ZNF407: variants seen among roughly 807,000 people sequenced by gnomAD.
The protein encoded by ZNF407 is zinc finger protein 407.
In ZNF407, 17 loss-of-function variants were observed where a neutral mutation model predicts 131.2. The ratio of observed to expected loss-of-function variants is 0.13; its 90% CI spans 0.09 to 0.19. The LOEUF is 0.19. Among genes scored for constraint, ZNF407 ranks in the 10% least tolerant of loss-of-function variants. ZNF407 has a pLI of 1.00. For missense variants in ZNF407, 2,681 were observed against 2,830.6 expected (o/e 0.95, Z 1.20); for synonymous variants, 1,156 against 1,062.0 (o/e 1.09, Z -1.72).
intron 1 of ZNF407, among the ~76,000 whole-genome samples, chr18:74,600,495 G>C (rs759737092): frequency 4.6e-5 from 7 of 152,300 alleles, no homozygotes; most frequent in East Asian, 3.9e-4. Context: ...GAGATGGAGA[G>C]AGATGGTCTT....
chr18:74,739,135 T>A (rs1419110984), intron 3 of ZNF407, among the ~76,000 whole-genome samples: 1 of 151,806 alleles, frequency 6.6e-6, no homozygotes, highest in East Asian at 1.9e-4. Context: ...TCCCTAAAGA[T>A]GTGGTATACA....
At chr18:74,664,798 G>A (rs1368990928) in intron 3 of ZNF407, among the ~76,000 whole-genome samples, 5 of 151,876 alleles carry the variant, frequency 3.3e-5, no homozygotes, top group South Asian at 2.1e-4. Context: ...TTGGCGCTGC[G>A]TATCTGTGTG....
At chr18:74,897,145 A>C (rs1971463741) in intron 7 of ZNF407, among the ~76,000 whole-genome samples, 1 of 152,212 alleles carries the variant, frequency 6.6e-6, no homozygotes, top group African/African-American at 2.4e-5. Context: ...AAGCATTTAC[A>C]CTAGGTCTTT....
chr18:74,721,150 A>G (rs1968027005), intron 3 of ZNF407, among the ~76,000 whole-genome samples: 1 of 151,948 alleles, frequency 6.6e-6, no homozygotes, highest in Non-Finnish European at 1.5e-5. Flanking sequence ...ATTTGTTTGT[A>G]TCCTCTTCCC....
At chr18:74,773,777 A>G (rs1177977899) in intron 3 of ZNF407, among the ~76,000 whole-genome samples, 1 of 152,166 alleles carries the variant, frequency 6.6e-6, no homozygotes, top group African/African-American at 2.4e-5. Context: ...CTCTGTGTAT[A>G]TTTCCTTCTG....
intron 1 of ZNF407, among the ~76,000 whole-genome samples, chr18:74,602,296 G>A (rs776792720): frequency 6.6e-6 from 1 of 152,218 alleles, no homozygotes; most frequent in Non-Finnish European, 1.5e-5. Flanking sequence ...TTTTGCGGGA[G>A]AAGGTAGAGA....
intron 3 of ZNF407, among the ~76,000 whole-genome samples, chr18:74,736,399 G>T (rs894149500): frequency 2.0e-5 from 3 of 151,978 alleles, no homozygotes; most frequent in African/African-American, 7.2e-5. Flanking sequence ...GTTTTTTAGT[G>T]GTTGTTTAAA....
At chr18:74,875,261 G>A (rs1190101891) in intron 4 of ZNF407, among the ~76,000 whole-genome samples, 1 of 152,132 alleles carries the variant, frequency 6.6e-6, no homozygotes, top group Admixed American at 6.5e-5. Flanking sequence ...GAGGTTTTCT[G>A]AAAGTCAAGT....
chr18:74,903,128 A>T (rs1971551811), intron 7 of ZNF407, among the ~76,000 whole-genome samples: 1 of 152,160 alleles, frequency 6.6e-6, no homozygotes. Context: ...TGAATGCCAA[A>T]AGTTGTTGTT....
At chr18:74,818,401 C>G (rs1391317527) in intron 4 of ZNF407, among the ~76,000 whole-genome samples, 1 of 152,170 alleles carries the variant, frequency 6.6e-6, no homozygotes, top group Admixed American at 6.5e-5. Flanking sequence ...TTTGTAATTT[C>G]TGTATTCTTC....
At chr18:74,870,647 T>C (rs1971073599) in intron 4 of ZNF407, among the ~76,000 whole-genome samples, 1 of 152,144 alleles carries the variant, frequency 6.6e-6, no homozygotes, top group Non-Finnish European at 1.5e-5. Flanking sequence ...ACTTCATTCA[T>C]TGAGCAAGGT....
intron 3 of ZNF407, among the ~76,000 whole-genome samples, chr18:74,665,399 G>A (rs904928331): frequency 1.3e-5 from 2 of 152,164 alleles, no homozygotes; most frequent in African/African-American, 4.8e-5. Context: ...TGTGTCCTTG[G>A]CTGAGAGCAT....
intron 4 of ZNF407, among the ~76,000 whole-genome samples, chr18:74,836,139 TAAAG>T (rs1189100396): frequency 6.6e-6 from 1 of 152,078 alleles, no homozygotes. Context: ...GTTAAAAACT[TAAAG>T]AAAATATTTA....
intron 3 of ZNF407, among the ~76,000 whole-genome samples, chr18:74,646,478 A>G (rs1490149340): frequency 6.6e-6 from 1 of 152,188 alleles, no homozygotes; most frequent in African/African-American, 2.4e-5. Context: ...TATTTTATCC[A>G]TATAATATTT....
At chr18:74,654,450 C>A (rs1211234634) in intron 3 of ZNF407, among the ~76,000 whole-genome samples, 1 of 151,750 alleles carries the variant, frequency 6.6e-6, no homozygotes, top group African/African-American at 2.4e-5. Context: ...ATAGTGCAAA[C>A]ACTGTGGTTA....
intron 3 of ZNF407, among the ~76,000 whole-genome samples, chr18:74,670,755 G>T (rs1986109287): frequency 6.6e-6 from 1 of 152,148 alleles, no homozygotes; most frequent in Non-Finnish European, 1.5e-5. Context: ...ATAGCTCGCT[G>T]CAGCCTTTAA....
At chr18:75,035,840 A>C (rs921757202) in intron 8 of ZNF407, among the ~76,000 whole-genome samples, 2 of 152,216 alleles carry the variant, frequency 1.3e-5, no homozygotes, top group Non-Finnish European at 2.9e-5. Flanking sequence ...TGATAGGGAG[A>C]GGTATCACAG....
intron 8 of ZNF407, among the ~76,000 whole-genome samples, chr18:74,939,939 CA>C (rs1378317363): frequency 6.6e-6 from 1 of 152,206 alleles, no homozygotes; most frequent in Non-Finnish European, 1.5e-5. Context: ...GAAGCTTACA[CA>C]CCATGTCTCA....
Position 75,063,743 on chromosome 18 carries a change from C to A in ZNF407, c.6022C>A (p.Leu2008Ile). 6.2e-7 allele frequency: 1 copy of A among 1,612,134 alleles called. No individual in the cohort carries two copies. Residue 2008 changes from leucine (L) to isoleucine (I), a missense_variant, in exon 9 of 9, where the codon CTC becomes ATC. By Grantham distance (5) the Leu-to-Ile change is conservative. Coordinates refer to ENST00000299687, the MANE Select transcript of ZNF407 (RefSeq NM_017757.3). The surrounding 1 kb of genome is among the most constrained non-coding windows in gnomAD (Gnocchi z 6.6). ...AGGGGAGGTGGAGGGCAGGGCTGGG[C>A]TCGAGGAGCAAGGCAGGCCCGGCGC... Reference protein sequence around the residue: ...ELGEVEGRAGLEEQGRPGAKD... With the variant: ...ELGEVEGRAGIEEQGRPGAKD...
Sources: allele counts gnomAD v4.1 joint callset (sites outside exome capture counted in the v4.1 genomes callset), GRCh38; gene constraint gnomAD v4.1.1; non-coding constraint Gnocchi (gnomAD v3.1); transcripts MANE v1.5; gene names NCBI Gene and HGNC (gene_info 2026-07-23, HGNC 2026-07-21).